ACTR3C: variants seen among roughly 807,000 people sequenced by gnomAD.
ACTR3C encodes actin related protein 3C.
A neutral mutation model predicts 26.3 loss-of-function variants in ACTR3C; 18 were observed. That is an observed-to-expected ratio of 0.68 (90% CI 0.47 to 1.01). The LOEUF (loss-of-function observed/expected upper bound fraction) is 1.01. Among genes scored for constraint, ACTR3C ranks in the 50% least tolerant of loss-of-function variants. The pLI is 0.00. For missense variants in ACTR3C, 184 were observed against 250.7 expected (o/e 0.73, Z 1.80); for synonymous variants, 55 against 94.5 (o/e 0.58, Z 2.42).
At chr7:150,079,143 G>A in the ACTR3C span, among the ~76,000 whole-genome samples, 10 of 152,174 alleles carry the variant, frequency 6.6e-5, no homozygotes, top group African/African-American at 2.2e-4. Flanking sequence ...AAAGGATTCT[G>A]GGAGTGCCAG....
intron 1 of ACTR3C, among the ~76,000 whole-genome samples, chr7:150,307,066 CTG>C (rs1215199999): frequency 6.6e-6 from 1 of 152,242 alleles, no homozygotes; most frequent in Non-Finnish European, 1.5e-5. Context: ...TAGTCCAACT[CTG>C]TAAAACATTT....
intron 1 of ACTR3C, among the ~76,000 whole-genome samples, chr7:150,299,233 C>T (rs1460147128): frequency 2.0e-5 from 3 of 151,146 alleles, no homozygotes; most frequent in Non-Finnish European, 4.4e-5. Flanking sequence ...TCCACCACTT[C>T]GGCCTCCCAA....
the ACTR3C span, among the ~76,000 whole-genome samples, chr7:150,201,707 G>C: frequency 6.6e-6 from 1 of 151,002 alleles, no homozygotes; most frequent in Admixed American, 6.6e-5. Flanking sequence ...GCAGTGAGCC[G>C]AGATTGTACC....
chr7:150,092,017 A>AAAAAAG, the ACTR3C span, among the ~76,000 whole-genome samples: 1 of 143,700 alleles, frequency 7.0e-6, no homozygotes, highest in Non-Finnish European at 1.5e-5. Flanking sequence ...AAAAAAAAAA[A>AAAAAAG]AAAAAGAAAT....
the ACTR3C span, among the ~76,000 whole-genome samples, chr7:150,154,674 C>T: frequency 6.6e-6 from 1 of 152,138 alleles, no homozygotes; most frequent in Non-Finnish European, 1.5e-5. Flanking sequence ...TTTGAGGGGG[C>T]TTTTCCTATT....
chr7:150,037,341 A>T, the ACTR3C span, among the ~76,000 whole-genome samples: 4 of 47,988 alleles, frequency 8.3e-5, no homozygotes, highest in African/African-American at 5.7e-5. Context: ...CGGGGGGGGA[A>T]GAGGGTCTGG....
At chr7:150,181,638 A>G in the ACTR3C span, among the ~76,000 whole-genome samples, 2 of 150,916 alleles carry the variant, frequency 1.3e-5, no homozygotes, top group South Asian at 4.1e-4. Context: ...CCATTTCCCA[A>G]TGAGGGAACT....
chr7:150,226,005 ATC>A, the ACTR3C span, among the ~76,000 whole-genome samples: 1 of 152,226 alleles, frequency 6.6e-6, no homozygotes, highest in African/African-American at 2.4e-5. Context: ...AGATTCATCC[ATC>A]TCTTTTCTGG....
At chr7:150,277,837 T>A (rs3953515) in intron 6 of ACTR3C, among the ~76,000 whole-genome samples, 3,570 of 152,126 alleles carry the variant, frequency 0.023, 131 homozygotes, top group African/African-American at 0.082. Context: ...CTAAATCCAG[T>A]CTCCATCTCC....
the ACTR3C span, among the ~76,000 whole-genome samples, chr7:150,059,857 C>T: frequency 6.6e-6 from 1 of 152,128 alleles, no homozygotes; most frequent in Non-Finnish European, 1.5e-5. Flanking sequence ...AAGAGCTGCA[C>T]AGGCCATGTA....
the ACTR3C span, among the ~76,000 whole-genome samples, chr7:149,932,751 A>ACAGGGCAG: frequency 6.7e-6 from 1 of 149,386 alleles, no homozygotes; most frequent in Non-Finnish European, 1.5e-5. Flanking sequence ...CAGCAGGGCG[A>ACAGGGCAG]GACAGGGCAG....
At chr7:150,264,390 G>T (rs1173599689) in intron 6 of ACTR3C, among the ~76,000 whole-genome samples, 1 of 152,186 alleles carries the variant, frequency 6.6e-6, no homozygotes, top group Admixed American at 6.5e-5. Flanking sequence ...ATGAATACTG[G>T]CAAGATTTGG....
chr7:150,277,732 G>A (rs950237655), intron 6 of ACTR3C, among the ~76,000 whole-genome samples: 1 of 151,964 alleles, frequency 6.6e-6, no homozygotes, highest in African/African-American at 2.4e-5. Context: ...ATGCTCTGGA[G>A]CCTCTCTCCT....
chr7:149,995,003 C>T, the ACTR3C span, among the ~76,000 whole-genome samples: 11 of 151,802 alleles, frequency 7.2e-5, no homozygotes, highest in South Asian at 2.1e-4. Flanking sequence ...TACATGCACC[C>T]GCCACAGTGC....
the ACTR3C span, among the ~76,000 whole-genome samples, chr7:149,925,013 C>A: frequency 6.6e-6 from 1 of 151,864 alleles, no homozygotes; most frequent in East Asian, 1.9e-4. Flanking sequence ...TAAAGCAGCA[C>A]GTTATAAAAT....
chr7:150,122,201 A>T, the ACTR3C span, among the ~76,000 whole-genome samples: 1 of 152,230 alleles, frequency 6.6e-6, no homozygotes, highest in Non-Finnish European at 1.5e-5. Flanking sequence ...GCCAAAAGCA[A>T]TTGCAACAAA....
intron 1 of ACTR3C, among the ~76,000 whole-genome samples, chr7:150,318,305 T>C (rs1253047522): frequency 6.6e-6 from 1 of 152,176 alleles, no homozygotes; most frequent in Non-Finnish European, 1.5e-5. Context: ...GACAAAGACA[T>C]GGAACAGAGT....
the ACTR3C span, among the ~76,000 whole-genome samples, chr7:149,896,529 T>C: frequency 6.6e-6 from 1 of 152,032 alleles, no homozygotes; most frequent in East Asian, 1.9e-4. Context: ...CTGGCGGAAC[T>C]GAACAGGTAC....
At chr7:150,175,612 G>C in the ACTR3C span, among the ~76,000 whole-genome samples, 2 of 149,146 alleles carry the variant, frequency 1.3e-5, no homozygotes, top group African/African-American at 5.2e-5. Flanking sequence ...TCAGGAGTTT[G>C]AGACCAGTCT....
Sources: allele counts gnomAD v4.1 joint callset (sites outside exome capture counted in the v4.1 genomes callset), GRCh38; gene constraint gnomAD v4.1.1; transcripts MANE v1.5; gene names NCBI Gene and HGNC (gene_info 2026-07-23, HGNC 2026-07-21).